Variants in SP140 observed in about 807,000 individuals in gnomAD.
SP140 encodes the protein nuclear body protein SP140.
In SP140, 81 loss-of-function variants were observed where a neutral mutation model predicts 125.0. That is an observed-to-expected ratio of 0.65 (90% CI 0.54 to 0.78). SP140 has a LOEUF of 0.78. SP140 is among the 30% of genes least tolerant of loss of function. The probability of loss-of-function intolerance (pLI) is 0.00; values close to 1 mark genes in which losing one functional copy is unlikely to be tolerated. For synonymous variants in SP140, 312 were observed against 354.0 expected (o/e 0.88, Z 1.33); for missense variants, 858 against 1,037.0 (o/e 0.83, Z 2.37).
At chr2:230,267,809 G>A (rs1311556302) in intron 12 of SP140, among the ~76,000 whole-genome samples, 17 of 152,194 alleles carry the variant, frequency 1.1e-4, no homozygotes, top group Admixed American at 1.0e-3. Flanking sequence ...TTACATGATT[G>A]TAGTTGACTC....
chr2:230,266,763 A>G (rs983438372), intron 12 of SP140, among the ~76,000 whole-genome samples: 1 of 152,204 alleles, frequency 6.6e-6, no homozygotes, highest in African/African-American at 2.4e-5. Flanking sequence ...CTGGAAGCCA[A>G]TCATATTCCT....
chr2:230,282,935 G>A (rs919652703), intron 15 of SP140, among the ~76,000 whole-genome samples: 9 of 152,212 alleles, frequency 5.9e-5, no homozygotes, highest in African/African-American at 2.2e-4. Context: ...GTTTGTGTGT[G>A]GCTGGGGAGA....
chr2:230,201,055 G>A (rs2043136880), upstream of SP140: 2 of 999,688 alleles, frequency 2.0e-6, no homozygotes, highest in African/African-American at 1.6e-5. Context: ...ACACTCTGAA[G>A]TTGAGTCTTG....
At chr2:230,275,406 ATTC>A (rs2054567903) in intron 15 of SP140, among the ~76,000 whole-genome samples, 2 of 152,040 alleles carry the variant, frequency 1.3e-5, no homozygotes. Context: ...TTTTATTATT[ATTC>A]TTCTTCCTGT....
chr2:230,271,905 G>C (rs757541851), intron 15 of SP140, among the ~76,000 whole-genome samples: 1 of 152,114 alleles, frequency 6.6e-6, no homozygotes, highest in Non-Finnish European at 1.5e-5. Context: ...TTGAAGAGAC[G>C]TAGCATGTGA....
chr2:230,292,318 T>C (rs1338262203), intron 19 of SP140, among the ~76,000 whole-genome samples: 1 of 152,230 alleles, frequency 6.6e-6, no homozygotes, highest in African/African-American at 2.4e-5. Flanking sequence ...CAAATTTGAA[T>C]AGCAAGTTGG....
upstream of SP140, among the ~76,000 whole-genome samples, chr2:230,222,469 A>T (rs911849477): frequency 2.6e-5 from 4 of 152,180 alleles, no homozygotes; most frequent in Non-Finnish European, 5.9e-5. Context: ...CTATAATCCC[A>T]GCATTCTGGG....
At chr2:230,203,079 TA>T (rs139907286), upstream of SP140, 42,404 of 336,774 alleles carry the variant, frequency 0.13, 3,385 homozygotes, top group South Asian at 0.25. Context: ...AGGTGTCTTA[TA>T]AAGCACCTCT....
intron 1 of SP140, among the ~76,000 whole-genome samples, chr2:230,204,387 G>A (rs931823533): frequency 3.3e-5 from 5 of 152,126 alleles, no homozygotes; most frequent in African/African-American, 1.2e-4. Flanking sequence ...TGCTGGCCAC[G>A]GGGTGTGCAG....
At chr2:230,280,729 C>T (rs1032905558) in intron 15 of SP140, among the ~76,000 whole-genome samples, 24 of 152,194 alleles carry the variant, frequency 1.6e-4, no homozygotes, top group African/African-American at 5.8e-4. Context: ...CCCATCTCTA[C>T]CATTTTGGCT....
chr2:230,188,484 C>G, the SP140 span, among the ~76,000 whole-genome samples: 2 of 152,024 alleles, frequency 1.3e-5, no homozygotes, highest in Non-Finnish European at 2.9e-5. Context: ...TTATTTCTTT[C>G]TCTTTTCTGA....
chr2:230,291,731 G>C (rs1476697000), intron 19 of SP140, among the ~76,000 whole-genome samples: 1 of 152,150 alleles, frequency 6.6e-6, no homozygotes, highest in Non-Finnish European at 1.5e-5. Context: ...TGTGTAACAA[G>C]TTTTGTGTGA....
At chr2:230,218,171 C>T (rs2045433866) in intron 3 of SP140, among the ~76,000 whole-genome samples, 1 of 152,250 alleles carries the variant, frequency 6.6e-6, no homozygotes, top group African/African-American at 2.4e-5. Context: ...ATCAACTTGA[C>T]AGTTTTTAAC....
chr2:230,254,054 A>T (rs1482484594), intron 11 of SP140, among the ~76,000 whole-genome samples: 1 of 152,224 alleles, frequency 6.6e-6, no homozygotes, highest in African/African-American at 2.4e-5. Flanking sequence ...TGAAAGACAA[A>T]GTAGAAAGAG....
At chr2:230,189,963 T>C in the SP140 span, among the ~76,000 whole-genome samples, 4 of 152,220 alleles carry the variant, frequency 2.6e-5, no homozygotes, top group Non-Finnish European at 4.4e-5. Flanking sequence ...TTATCCAGCA[T>C]TTGGGTTGGT....
intron 1 of SP140, among the ~76,000 whole-genome samples, chr2:230,235,980 C>A (rs1304595336): frequency 1.3e-5 from 2 of 148,980 alleles, no homozygotes; most frequent in East Asian, 4.0e-4. Flanking sequence ...GGGTTCACGC[C>A]ATTCTCCTGT....
At chr2:230,246,115 A>G (rs1285482562) in intron 7 of SP140, among the ~76,000 whole-genome samples, 175 bp downstream of exon 7, 1 of 152,060 alleles carries the variant, frequency 6.6e-6, no homozygotes, top group Non-Finnish European at 1.5e-5. Flanking sequence ...TCATCTGTCC[A>G]TCCATCCATC....
At chr2:230,224,831 T>G (rs1342404818), upstream of SP140, among the ~76,000 whole-genome samples, 2 of 152,238 alleles carry the variant, frequency 1.3e-5, no homozygotes, top group African/African-American at 2.4e-5. Flanking sequence ...CTGGCTCTCA[T>G]CAGCCCCCTG....
chr2:230,283,989 G>A (rs2056005707), intron 15 of SP140, among the ~76,000 whole-genome samples: 1 of 152,172 alleles, frequency 6.6e-6, no homozygotes, highest in African/African-American at 2.4e-5. Context: ...TCAACCTCAA[G>A]GAGGATGTCC....
Sources: allele counts gnomAD v4.1 joint callset (sites outside exome capture counted in the v4.1 genomes callset), GRCh38; gene constraint gnomAD v4.1.1; transcripts MANE v1.5; gene names NCBI Gene and HGNC (gene_info 2026-07-23, HGNC 2026-07-21).